The following FGF14 variants were observed in gnomAD, a reference collection of about 807,000 sequenced individuals.
FGF14 encodes the protein fibroblast growth factor 14, also known as fibroblast growth factor homologous factor 4.
Under a neutral mutation model 25.5 loss-of-function variants are expected in FGF14, and 5 were observed. The observed-to-expected ratio is 0.20, with a 90% CI of 0.10 to 0.41. The LOEUF (loss-of-function observed/expected upper bound fraction) is 0.41, where lower values mean the gene tolerates loss of function less well. Ranked by LOEUF, FGF14 falls within the 10% of genes least tolerant of loss-of-function variation. The pLI, the probability that FGF14 is intolerant of heterozygous loss-of-function variation, is 1.00. For synonymous variants in FGF14, 138 were observed against 118.3 expected (o/e 1.17, Z -1.08); for missense variants, 222 against 320.1 (o/e 0.69, Z 2.34).
intron 1 of FGF14, among the ~76,000 whole-genome samples, chr13:102,208,999 G>C (rs1421665780): frequency 6.6e-6 from 1 of 152,214 alleles, no homozygotes; most frequent in South Asian, 2.1e-4. Context: ...TTCTTGAATG[G>C]AGAATTTACA....
At chr13:101,808,741 A>AT (rs201476943) in intron 3 of FGF14, among the ~76,000 whole-genome samples, 2,112 of 152,148 alleles carry the variant, frequency 0.014, 66 homozygotes, top group African/African-American at 0.047. Flanking sequence ...TACTTCAGAC[A>AT]TTTTTTTCAG....
intron 1 of FGF14, among the ~76,000 whole-genome samples, chr13:102,161,626 AAGAAGAAGAAGAAG>A (rs2047703880): frequency 1.8e-4 from 2 of 10,842 alleles, no homozygotes; most frequent in African/African-American, 8.1e-4. Context: ...GAAGAAGAAG[AAGAAGAAGAAGAAG>A]AAGAAGAAGA....
chr13:102,198,925 G>C (rs749688537), intron 1 of FGF14, among the ~76,000 whole-genome samples: 1 of 152,132 alleles, frequency 6.6e-6, no homozygotes, highest in Non-Finnish European at 1.5e-5. Flanking sequence ...CTCACTCTTT[G>C]TCAAACTCTA....
chr13:101,971,411 C>A (rs1429975410), intron 1 of FGF14, among the ~76,000 whole-genome samples: 1 of 151,514 alleles, frequency 6.6e-6, no homozygotes, highest in Non-Finnish European at 1.5e-5. Flanking sequence ...CACTCTGTCA[C>A]CCAGGCTGTA....
intron 1 of FGF14, among the ~76,000 whole-genome samples, chr13:102,216,442 A>G (rs2050375199): frequency 6.6e-6 from 1 of 152,250 alleles, no homozygotes; most frequent in Non-Finnish European, 1.5e-5. Context: ...GGAAGGCTCT[A>G]TGATCACATC....
chr13:101,815,013 T>C (rs1047530207), intron 3 of FGF14, among the ~76,000 whole-genome samples: 1 of 152,240 alleles, frequency 6.6e-6, no homozygotes, highest in Non-Finnish European at 1.5e-5. Context: ...TGGCAACATG[T>C]GTACCAACAA....
chr13:102,236,175 T>C (rs182178933), intron 1 of FGF14, among the ~76,000 whole-genome samples: 1 of 152,322 alleles, frequency 6.6e-6, no homozygotes, highest in East Asian at 1.9e-4. Context: ...CTGCTCTGTC[T>C]ATTCTTTCAT....
intron 1 of FGF14, among the ~76,000 whole-genome samples, chr13:101,952,139 C>T (rs1024313709): frequency 6.6e-6 from 1 of 151,834 alleles, no homozygotes; most frequent in African/African-American, 2.4e-5. Context: ...AATAAGCATC[C>T]AAACTATGCA....
intron 1 of FGF14, among the ~76,000 whole-genome samples, chr13:101,975,640 G>T (rs960165868): frequency 1.1e-4 from 16 of 152,246 alleles, no homozygotes; most frequent in Admixed American, 3.9e-4. Flanking sequence ...TATTGACAGG[G>T]TTTTAAATGT....
intron 1 of FGF14, among the ~76,000 whole-genome samples, chr13:102,392,995 C>T (rs1229363231): frequency 6.6e-6 from 1 of 152,206 alleles, no homozygotes; most frequent in Non-Finnish European, 1.5e-5. Context: ...TCCCTAGAAA[C>T]ACCCTCTATT....
At chr13:102,401,730 G>A (rs1293524544) in exon 1 of FGF14, 4 of 1,485,848 alleles carry the variant, frequency 2.7e-6, no homozygotes, top group South Asian at 2.3e-5. Flanking sequence ...CCCTCACGTG[G>A]TATATTTCTT....
At chr13:102,093,253 T>C (rs1366943762) in intron 1 of FGF14, among the ~76,000 whole-genome samples, 1 of 152,198 alleles carries the variant, frequency 6.6e-6, no homozygotes, top group East Asian at 1.9e-4. Context: ...CAAGCCTATT[T>C]GATGATTTGC....
intron 1 of FGF14, among the ~76,000 whole-genome samples, chr13:102,061,993 CA>C (rs1234701567): frequency 3.3e-5 from 5 of 152,114 alleles, no homozygotes; most frequent in Non-Finnish European, 7.4e-5. Flanking sequence ...TGAGCCTAGT[CA>C]ACACCCAGAA....
intron 1 of FGF14, among the ~76,000 whole-genome samples, chr13:102,157,407 A>C (rs1355274391): frequency 6.6e-6 from 1 of 152,242 alleles, no homozygotes; most frequent in Non-Finnish European, 1.5e-5. Flanking sequence ...AGAAATGGGG[A>C]GAGAATTCCC....
chr13:102,016,442 T>C (rs2040349617), intron 1 of FGF14, among the ~76,000 whole-genome samples: 1 of 152,164 alleles, frequency 6.6e-6, no homozygotes, highest in Non-Finnish European at 1.5e-5. Flanking sequence ...TTAATTGCTA[T>C]AGCTGATTTT....
intron 3 of FGF14, among the ~76,000 whole-genome samples, chr13:101,795,041 C>T (rs1450987223): frequency 6.6e-6 from 1 of 152,080 alleles, no homozygotes; most frequent in Admixed American, 6.6e-5. Flanking sequence ...TTATTGTGTG[C>T]AAATTAAAAT....
At chr13:101,839,758 G>A (rs749980095) in intron 3 of FGF14, among the ~76,000 whole-genome samples, 2 of 151,854 alleles carry the variant, frequency 1.3e-5, no homozygotes, top group African/African-American at 4.8e-5. Context: ...ATAGGTTAAC[G>A]GTACATCATT....
At chr13:101,997,481 C>A (rs1304841750) in intron 1 of FGF14, among the ~76,000 whole-genome samples, 1 of 152,138 alleles carries the variant, frequency 6.6e-6, no homozygotes, top group Non-Finnish European at 1.5e-5. Context: ...AGATTTTAGG[C>A]ATTATAACAG....
chr13:102,279,612 C>T (rs2053727116), intron 1 of FGF14, among the ~76,000 whole-genome samples: 1 of 152,094 alleles, frequency 6.6e-6, no homozygotes, highest in Non-Finnish European at 1.5e-5. Context: ...GTTCTAAGCA[C>T]TTTCCATATA....
Sources: allele counts gnomAD v4.1 joint callset (sites outside exome capture counted in the v4.1 genomes callset), GRCh38; gene constraint gnomAD v4.1.1; transcripts MANE v1.5; gene names NCBI Gene and HGNC (gene_info 2026-07-23, HGNC 2026-07-21).